The following SPAG16 variants were observed in gnomAD, a reference collection of about 807,000 sequenced individuals.
SPAG16 encodes sperm associated antigen 16.
In SPAG16, 86 loss-of-function variants were observed where a neutral mutation model predicts 80.4. The observed-to-expected ratio is 1.07, with a 90% CI of 0.90 to 1.28. The LOEUF is 1.28. Ranked by LOEUF, SPAG16 falls within the 50% of genes most tolerant of loss-of-function variation. SPAG16 has a pLI of 0.00. For missense variants in SPAG16, 870 were observed against 765.3 expected (o/e 1.14, Z -1.61); for synonymous variants, 294 against 265.9 (o/e 1.11, Z -1.03).
chr2:214,233,739 T>G (rs1348964689), intron 15 of SPAG16, among the ~76,000 whole-genome samples: 2 of 152,130 alleles, frequency 1.3e-5, no homozygotes, highest in Non-Finnish European at 2.9e-5. Flanking sequence ...ATTTGGATAA[T>G]AATTTTTCAT....
chr2:214,292,129 G>A, intron 15 of SPAG16, among the ~76,000 whole-genome samples: 1 of 152,118 alleles, frequency 6.6e-6, no homozygotes. Flanking sequence ...AGTCTGATGG[G>A]AGTTCCTTTA....
chr2:213,884,791 T>C (rs1054605528), intron 11 of SPAG16, among the ~76,000 whole-genome samples: 4 of 152,348 alleles, frequency 2.6e-5, no homozygotes, highest in Admixed American at 2.6e-4. Flanking sequence ...CTGTTAGTAC[T>C]TCCAATTGTA....
At chr2:213,443,141 C>T (rs900366010) in intron 9 of SPAG16, among the ~76,000 whole-genome samples, 1 of 152,086 alleles carries the variant, frequency 6.6e-6, no homozygotes, top group Admixed American at 6.6e-5. Context: ...CTGTCCAGCA[C>T]CTTCCATAGT....
intron 10 of SPAG16, among the ~76,000 whole-genome samples, chr2:213,605,237 CTTTA>C (rs2061215561): frequency 6.6e-6 from 1 of 151,006 alleles, no homozygotes; most frequent in Admixed American, 6.6e-5. Flanking sequence ...AAATCAGACA[CTTTA>C]TTTCATCTAT....
At chr2:214,341,288 A>T (rs946011826) in intron 15 of SPAG16, among the ~76,000 whole-genome samples, 1 of 152,206 alleles carries the variant, frequency 6.6e-6, no homozygotes, top group African/African-American at 2.4e-5. Context: ...AAGAGGTTTA[A>T]TATTCATTCA....
chr2:213,909,805 G>A (rs943015804), intron 11 of SPAG16, among the ~76,000 whole-genome samples: 2 of 152,132 alleles, frequency 1.3e-5, no homozygotes, highest in African/African-American at 4.8e-5. Context: ...TTGTGCGAGT[G>A]CCCTCACTTT....
At chr2:213,317,440 C>T in intron 5 of SPAG16, 84 bp downstream of exon 5, 1 of 1,401,884 alleles carries the variant, frequency 7.1e-7, no homozygotes. Flanking sequence ...ATGTAATATA[C>T]CAGAGCCTTA....
chr2:214,113,036 A>G (rs1298845919), intron 14 of SPAG16, among the ~76,000 whole-genome samples: 2 of 152,114 alleles, frequency 1.3e-5, no homozygotes, highest in African/African-American at 4.8e-5. Flanking sequence ...AAAATCTCTC[A>G]GCATTTGCTT....
At chr2:213,452,729 C>T (rs1027649132) in intron 9 of SPAG16, among the ~76,000 whole-genome samples, 14 of 152,320 alleles carry the variant, frequency 9.2e-5, no homozygotes, top group African/African-American at 2.9e-4. Context: ...TTGCAACAAA[C>T]CCCCTTGTCT....
intron 8 of SPAG16, among the ~76,000 whole-genome samples, chr2:213,373,411 T>C (rs187153396): frequency 6.6e-6 from 1 of 152,290 alleles, no homozygotes; most frequent in Admixed American, 6.5e-5. Flanking sequence ...TTCTGCAATG[T>C]TTATTCCTAA....
chr2:214,283,058 A>G (rs1693078724), intron 15 of SPAG16, among the ~76,000 whole-genome samples: 2 of 152,158 alleles, frequency 1.3e-5, no homozygotes, highest in African/African-American at 2.4e-5. Flanking sequence ...TAAAAAAATT[A>G]TATATGTAAG....
intron 15 of SPAG16, among the ~76,000 whole-genome samples, chr2:214,226,789 G>A (rs1251098321): frequency 6.6e-6 from 1 of 152,034 alleles, no homozygotes; most frequent in Non-Finnish European, 1.5e-5. Flanking sequence ...TTTGGAAAAA[G>A]ACAAGGCAAT....
At chr2:214,392,603 A>T (rs1222893379) in intron 15 of SPAG16, among the ~76,000 whole-genome samples, 1 of 152,090 alleles carries the variant, frequency 6.6e-6, no homozygotes, top group East Asian at 1.9e-4. Context: ...GATGCATTTG[A>T]CCTGGGGAAG....
chr2:214,066,847 C>T (rs80044567), intron 13 of SPAG16, among the ~76,000 whole-genome samples: 1,559 of 152,240 alleles, frequency 0.01, 20 homozygotes, highest in Non-Finnish European at 0.015. Context: ...AAGGAAAACA[C>T]ATCAAAATTA....
At chr2:214,075,957 T>G (rs2051053517) in intron 13 of SPAG16, among the ~76,000 whole-genome samples, 2 of 152,176 alleles carry the variant, frequency 1.3e-5, no homozygotes, top group African/African-American at 4.8e-5. Flanking sequence ...TAAATTTTCT[T>G]TCTGTCATAT....
intron 10 of SPAG16, among the ~76,000 whole-genome samples, chr2:213,590,563 G>A (rs1383455461): frequency 6.6e-6 from 1 of 152,044 alleles, no homozygotes; most frequent in Non-Finnish European, 1.5e-5. Flanking sequence ...ATCATCACTA[G>A]CATCATCAGA....
chr2:213,685,670 A>G (rs2064630693), intron 10 of SPAG16, among the ~76,000 whole-genome samples: 1 of 152,254 alleles, frequency 6.6e-6, no homozygotes, highest in Non-Finnish European at 1.5e-5. Flanking sequence ...GGCAGGGACA[A>G]GACAATAGGT....
chr2:214,077,500 G>C (rs961028168), intron 13 of SPAG16, among the ~76,000 whole-genome samples: 1 of 152,182 alleles, frequency 6.6e-6, no homozygotes, highest in Non-Finnish European at 1.5e-5. Context: ...ATATCTTAAG[G>C]CTTTTCACTG....
At chr2:213,891,193 A>G (rs1395521720) in intron 11 of SPAG16, among the ~76,000 whole-genome samples, 2 of 152,066 alleles carry the variant, frequency 1.3e-5, no homozygotes, top group Non-Finnish European at 2.9e-5. Flanking sequence ...AGTTTCAGGT[A>G]GTGCTAATAT....
Sources: gnomAD v4.1 joint callset for allele counts (sites outside exome capture counted in the v4.1 genomes callset) on GRCh38, gnomAD v4.1.1 for gene constraint, MANE v1.5 for transcripts, NCBI Gene and HGNC (gene_info 2026-07-23, HGNC 2026-07-21) for gene names.